Variants in PTPRG observed in about 807,000 individuals in gnomAD.
PTPRG encodes the protein protein tyrosine phosphatase receptor type G, also known as receptor-type tyrosine-protein phosphatase gamma.
A neutral mutation model predicts 165.3 loss-of-function variants in PTPRG; 102 were observed. The ratio of observed to expected loss-of-function variants is 0.62; its 90% confidence interval spans 0.53 to 0.73. The LOEUF is 0.73. Ranked by LOEUF, PTPRG falls within the 30% of genes least tolerant of loss-of-function variation. PTPRG has a pLI of 0.00. For missense variants in PTPRG, 1,866 were observed against 1,861.4 expected (o/e 1.00, Z -0.05); for synonymous variants, 675 against 669.5 (o/e 1.01, Z -0.13).
chr3:62,278,867 T>C (rs1412298391), intron 26 of PTPRG, among the ~76,000 whole-genome samples: 2 of 152,086 alleles, frequency 1.3e-5, no homozygotes, highest in Non-Finnish European at 2.9e-5. Flanking sequence ...CGTTCATTTG[T>C]TGGATGAATC....
chr3:62,160,864 ATTTTTTT>A lies in PTPRG; in HGVS notation c.840+3658_840+3664del, dbSNP rs5849464. 3.6e-3 allele frequency among the ~76,000 whole-genome samples: 376 copies of A among 103,984 alleles called. 1 individual carries two copies. Among genetic ancestry groups the A allele is most frequent in the African/African-American group, 0.012 (317 of 26,502 alleles). 68.2% of individuals were successfully genotyped at this position (103,984 alleles called of 152,430 possible). On this transcript the variant is annotated intron_variant, in intron 7 of 29. Transcript: ENST00000474889. ...TACTTTGTTTACCTTTAGATGTGTGATTTTTTTTTTTTTTTTTTTTTTTTCTGACAGT... is the reference window on the plus strand; with the variant it reads ...TACTTTGTTTACCTTTAGATGTGTGATTTTTTTTTTTTTTTTTCTGACAGT...
At chr3:61,945,632 C>T (rs1299655714) in intron 2 of PTPRG, among the ~76,000 whole-genome samples, 3 of 144,486 alleles carry the variant, frequency 2.1e-5, no homozygotes, top group Admixed American at 7.0e-5. Context: ...ATTGAGTGAA[C>T]TCATCTGAGC....
chr3:61,727,368 C>G (rs1310154960), intron 1 of PTPRG, among the ~76,000 whole-genome samples: 1 of 152,064 alleles, frequency 6.6e-6, no homozygotes, highest in East Asian at 1.9e-4. Flanking sequence ...GTTGGCCAGG[C>G]TGGTCTTAAA....
intron 2 of PTPRG, among the ~76,000 whole-genome samples, chr3:61,861,620 A>T (rs1487930241): frequency 2.0e-5 from 3 of 152,224 alleles, no homozygotes; most frequent in Non-Finnish European, 2.9e-5. Flanking sequence ...TCAGCTCTAG[A>T]TGAGCCCAGA....
At chr3:62,088,243 T>A (rs984975059) in intron 5 of PTPRG, among the ~76,000 whole-genome samples, 4 of 151,830 alleles carry the variant, frequency 2.6e-5, no homozygotes, top group African/African-American at 9.7e-5. Context: ...CACAGGAGAG[T>A]CCTCCACAAC....
chr3:61,635,497 T>C (rs1701885252), intron 1 of PTPRG, among the ~76,000 whole-genome samples: 1 of 151,870 alleles, frequency 6.6e-6, no homozygotes, highest in Non-Finnish European at 1.5e-5. Flanking sequence ...GCTGGGACTA[T>C]AGGCATGCAC....
intron 4 of PTPRG, among the ~76,000 whole-genome samples, chr3:62,010,589 C>T (rs113603108): frequency 2.6e-5 from 4 of 152,154 alleles, no homozygotes; most frequent in African/African-American, 7.2e-5. Context: ...GGCTACTCAG[C>T]AGCATCTCAT....
At chr3:61,908,159 C>T (rs929209107) in intron 2 of PTPRG, among the ~76,000 whole-genome samples, 13 of 143,116 alleles carry the variant, frequency 9.1e-5, no homozygotes, top group African/African-American at 2.8e-4. Context: ...ATCGGCCGGG[C>T]TCACGCCTGT....
intron 23 of PTPRG, 47 bp from the exon 24 acceptor site, chr3:62,275,826 A>G (rs889395350): frequency 7.8e-6 from 11 of 1,404,156 alleles, no homozygotes; most frequent in African/African-American, 7.1e-5. Flanking sequence ...AGCAAATGCT[A>G]TCAATTATAT....
chr3:62,209,227 TGGCACTGGG>T (rs1700301604), intron 12 of PTPRG, among the ~76,000 whole-genome samples: 1 of 152,222 alleles, frequency 6.6e-6, no homozygotes, highest in African/African-American at 2.4e-5. Flanking sequence ...TTGTCATAAC[TGGCACTGGG>T]GTGCTACTTG....
At chr3:61,658,731 C>G (rs1702579427) in intron 1 of PTPRG, among the ~76,000 whole-genome samples, 1 of 152,114 alleles carries the variant, frequency 6.6e-6, no homozygotes, top group Admixed American at 6.5e-5. Context: ...CCAGCACCTA[C>G]TAGGTGAAGT....
intron 1 of PTPRG, among the ~76,000 whole-genome samples, chr3:61,611,332 A>C (rs1330921098): frequency 6.6e-6 from 1 of 151,992 alleles, no homozygotes; most frequent in Admixed American, 6.6e-5. Flanking sequence ...GTGTGGATCA[A>C]ATGGAAAGAT....
At chr3:61,876,615 A>G (rs1171797746) in intron 2 of PTPRG, among the ~76,000 whole-genome samples, 2 of 152,112 alleles carry the variant, frequency 1.3e-5, no homozygotes, top group African/African-American at 4.8e-5. Flanking sequence ...AGGTTAAACA[A>G]TTTCTTTTCC....
In PTPRG at chr3:62,279,348, C is replaced by G. The variant is rs143323048; in HGVS notation, c.3765+1669C>G. Among the ~76,000 whole-genome samples the G allele has an allele frequency of 1.6e-3, 238 of 152,170 alleles. 1 individual carries two copies. In the Middle Eastern group the frequency reaches 0.017, roughly 11 times the overall value. On this transcript the variant is annotated intron_variant, in intron 26 of 29. Transcript: ENST00000474889. ...GCAGCATTTATTTTTCTTAGACTTT[C>G]AAGATGAACCATTTTTCTACCTTTC... is the stretch of plus-strand genomic sequence containing the variant.
chr3:61,812,307 C>CATTT (rs1270812790), intron 2 of PTPRG, among the ~76,000 whole-genome samples: 2 of 149,716 alleles, frequency 1.3e-5, no homozygotes, highest in Non-Finnish European at 3.0e-5. Flanking sequence ...TTCATTCATT[C>CATTT]ATTTTGTCAA....
In PTPRG at chr3:62,282,860, T is replaced by C. The variant is rs1218586522; in HGVS notation, c.4046T>C (p.Val1349Ala). ...EALTRDGPTIVHDEYGAVSAG... is the reference protein window; with the variant it reads ...EALTRDGPTIAHDEYGAVSAG... ...TTAACAAGGGATGGTCCCACCATTG[T>C]TCATGATGAGTATGTATCTGTTTCT... Residue 1349 changes from valine to alanine, a missense_variant, in exon 28 of 30, where the codon GTT becomes GCT. Val to Ala is a moderately conservative substitution (Grantham distance 64, BLOSUM62 0). Around this residue, in one of 3 missense-constraint regions of PTPRG, gnomAD observed 1,452 missense variants for 1,463.0 expected, o/e 0.99. Transcript: ENST00000474889. 6.2e-7 allele frequency: 1 copy of C among 1,607,746 alleles called. No homozygotes were observed. Among genetic ancestry groups the C allele is most frequent in the Admixed American group, 1.7e-5 (1 of 59,258 alleles).
At chr3:61,980,921 C>T (rs2040626789) in intron 2 of PTPRG, among the ~76,000 whole-genome samples, 1 of 152,196 alleles carries the variant, frequency 6.6e-6, no homozygotes, top group Non-Finnish European at 1.5e-5. Flanking sequence ...AGGCTCTGAA[C>T]AAAATTTTGG....
intron 23 of PTPRG, 45 bp from the exon 24 acceptor site, chr3:62,275,828 C>G (rs1702213447): frequency 7.1e-7 from 1 of 1,417,176 alleles, no homozygotes; most frequent in Non-Finnish European, 9.8e-7. Context: ...CAAATGCTAT[C>G]AATTATATCT....
At chr3:61,773,929 C>A (rs769932501) in intron 2 of PTPRG, among the ~76,000 whole-genome samples, 1 of 151,904 alleles carries the variant, frequency 6.6e-6, no homozygotes, top group Non-Finnish European at 1.5e-5. Context: ...CGTGCACCAC[C>A]ACGCGTGGCT....
Sources: gnomAD v4.1 joint callset for allele counts (sites outside exome capture counted in the v4.1 genomes callset) on GRCh38, gnomAD v4.1.1 for gene constraint, gnomAD v4.1.1 regional missense constraint, MANE v1.5 for transcripts, NCBI Gene and HGNC (gene_info 2026-07-23, HGNC 2026-07-21) for gene names.